Variants in SLC9A2 observed in about 807,000 individuals in gnomAD.
SLC9A2 encodes sodium/hydrogen exchanger 2.
Under a neutral mutation model 71.7 loss-of-function variants are expected in SLC9A2, and 42 were observed. That is an observed-to-expected ratio of 0.59 (90% CI 0.46 to 0.76). SLC9A2 has a LOEUF of 0.76. Ranked by LOEUF, SLC9A2 falls within the 30% of genes least tolerant of loss-of-function variation. SLC9A2 has a pLI of 0.00. For synonymous variants in SLC9A2, 396 were observed against 392.5 expected (o/e 1.01, Z -0.10); for missense variants, 829 against 1,017.4 (o/e 0.81, Z 2.52).
At chr2:102,665,667 G>C (rs573216052) in intron 3 of SLC9A2, among the ~76,000 whole-genome samples, 1 of 150,390 alleles carries the variant, frequency 6.6e-6, no homozygotes, top group Non-Finnish European at 1.5e-5. Flanking sequence ...CCAGCTACTC[G>C]GGAGGCTGAG....
rs1275998173 is a variant in SLC9A2, at chr2:102,651,916, CT to C, written c.290-5647del. 2.0e-5 allele frequency among the ~76,000 whole-genome samples: 3 copies of C among 148,454 alleles called. No homozygotes were observed. The Admixed American group carries it at 2.1e-4, about 10-fold the overall frequency. On this transcript the variant is annotated intron_variant, in intron 1 of 11. Transcript: ENST00000233969. ...TGAATTTTCTAATATTATGTGCTAT[CT>C]GCAAAAGATAAGGGTTTTTGTTGTT... is the stretch of plus-strand genomic sequence containing the variant.
chr2:102,657,445 T>A (rs760258739), intron 1 of SLC9A2, 119 bp from the exon 2 acceptor site: 2 of 649,990 alleles, frequency 3.1e-6, no homozygotes, highest in Admixed American at 5.9e-5. Flanking sequence ...GTAAAGACAG[T>A]GATACTGACT....
chr2:102,644,557 T>C (rs1676679226), intron 1 of SLC9A2, among the ~76,000 whole-genome samples: 1 of 152,192 alleles, frequency 6.6e-6, no homozygotes, highest in Admixed American at 6.5e-5. Context: ...CAAGCTAAGA[T>C]CCACTGGCTT....
intron 1 of SLC9A2, among the ~76,000 whole-genome samples, chr2:102,640,373 T>C (rs1328822380): frequency 2.0e-5 from 3 of 152,130 alleles, no homozygotes; most frequent in African/African-American, 7.2e-5. Context: ...AATCCACAGT[T>C]AAGGGCTCGG....
intron 6 of SLC9A2, 65 bp downstream of exon 6, chr2:102,694,568 C>T (rs1677717873): frequency 2.7e-6 from 2 of 734,328 alleles, no homozygotes; most frequent in Non-Finnish European, 4.4e-6. Flanking sequence ...AGTCAAACAG[C>T]TTGGTACCAC....
intron 2 of SLC9A2, among the ~76,000 whole-genome samples, chr2:102,663,972 C>T (rs986815310): frequency 6.6e-6 from 1 of 152,144 alleles, no homozygotes; most frequent in Non-Finnish European, 1.5e-5. Flanking sequence ...TAAACCAAGA[C>T]TATGTAAAGA....
intron 7 of SLC9A2, among the ~76,000 whole-genome samples, chr2:102,700,407 G>A (rs987497262): frequency 6.6e-6 from 1 of 152,158 alleles, no homozygotes; most frequent in African/African-American, 2.4e-5. Flanking sequence ...TACATTAACA[G>A]GTCAAAAGAA....
intron 1 of SLC9A2, among the ~76,000 whole-genome samples, chr2:102,650,964 T>G (rs1366141896): frequency 6.6e-6 from 1 of 152,228 alleles, no homozygotes; most frequent in Admixed American, 6.5e-5. Context: ...TGAGTTTCTC[T>G]CCTAAAATTT....
chr2:102,639,660 A>G (rs1038855776), intron 1 of SLC9A2, among the ~76,000 whole-genome samples: 2 of 152,082 alleles, frequency 1.3e-5, no homozygotes, highest in African/African-American at 4.8e-5. Flanking sequence ...CGACATTTTC[A>G]TCTTCACAAA....
chr2:102,656,836 A>G (rs1394292461), intron 1 of SLC9A2, among the ~76,000 whole-genome samples: 1 of 152,128 alleles, frequency 6.6e-6, no homozygotes, highest in Non-Finnish European at 1.5e-5. Flanking sequence ...TGCCTTGCCT[A>G]CTCATTAGGG....
chr2:102,631,441 G>A (rs115295119), intron 1 of SLC9A2, among the ~76,000 whole-genome samples: 321 of 152,084 alleles, frequency 2.1e-3, no homozygotes, highest in African/African-American at 7.2e-3. Context: ...TAGCACATAG[G>A]TCACGCATCT....
At chr2:102,675,497 T>G (rs1272838970) in intron 3 of SLC9A2, among the ~76,000 whole-genome samples, 2 of 152,132 alleles carry the variant, frequency 1.3e-5, no homozygotes, top group Non-Finnish European at 2.9e-5. Context: ...GTACTCTGGG[T>G]GAAAGCTGTA....
intron 1 of SLC9A2, among the ~76,000 whole-genome samples, chr2:102,645,555 T>C (rs1286913130): frequency 2.0e-5 from 3 of 152,000 alleles, no homozygotes; most frequent in South Asian, 2.1e-4. Context: ...AGAGCCTTGA[T>C]AAAAGGTTAT....
At chr2:102,648,940 A>G (rs752459728) in intron 1 of SLC9A2, among the ~76,000 whole-genome samples, 1 of 152,208 alleles carries the variant, frequency 6.6e-6, no homozygotes, top group Non-Finnish European at 1.5e-5. Flanking sequence ...TGCTATCCCC[A>G]TCAAGCTACC....
At chr2:102,666,194 C>CTTTTT (rs1266703500) in intron 3 of SLC9A2, among the ~76,000 whole-genome samples, 10 of 119,426 alleles carry the variant, frequency 8.4e-5, no homozygotes, top group South Asian at 2.9e-4. Flanking sequence ...TCCAGTTTAG[C>CTTTTT]TTTTTTTTTT....
intron 5 of SLC9A2, among the ~76,000 whole-genome samples, chr2:102,687,458 A>T (rs1677568804): frequency 6.6e-6 from 1 of 152,254 alleles, no homozygotes; most frequent in African/African-American, 2.4e-5. Context: ...TTATACATCC[A>T]TGCATAAAAT....
chr2:102,629,894 T>C (rs1287473970), intron 1 of SLC9A2, among the ~76,000 whole-genome samples: 1 of 152,066 alleles, frequency 6.6e-6, no homozygotes, highest in Non-Finnish European at 1.5e-5. Flanking sequence ...GGACAATCAA[T>C]GTAGCAATGT....
chr2:102,690,622 T>C (rs998500508), intron 5 of SLC9A2, among the ~76,000 whole-genome samples: 2 of 152,026 alleles, frequency 1.3e-5, no homozygotes, highest in African/African-American at 4.8e-5. Flanking sequence ...GGGAAATCAG[T>C]GTGCAGCATG....
At chr2:102,666,444 C>A (rs567589124) in intron 3 of SLC9A2, among the ~76,000 whole-genome samples, 14 of 152,068 alleles carry the variant, frequency 9.2e-5, no homozygotes, top group Non-Finnish European at 1.2e-4. Flanking sequence ...CGATCCACCC[C>A]CCTTGGCCTC....
Sources: gnomAD v4.1 joint callset for allele counts (sites outside exome capture counted in the v4.1 genomes callset) on GRCh38, gnomAD v4.1.1 for gene constraint, MANE v1.5 for transcripts, NCBI Gene and HGNC (gene_info 2026-07-23, HGNC 2026-07-21) for gene names.